Variants in ECI2 observed in about 807,000 individuals in gnomAD.
The protein encoded by ECI2 is D3,D2-enoyl-CoA isomerase.
In ECI2, 27 loss-of-function variants were observed where a neutral mutation model predicts 38.4. The observed-to-expected ratio is 0.70, with a 90% CI of 0.52 to 0.97. The LOEUF is 0.97. Among genes scored for constraint, ECI2 ranks in the 50% least tolerant of loss-of-function variants. The pLI is 0.00. For synonymous variants in ECI2, 168 were observed against 172.0 expected (o/e 0.98, Z 0.18); for missense variants, 470 against 474.4 (o/e 0.99, Z 0.09).
Position 4,115,984 on chromosome 6 carries a change from T to C in ECI2, c.1075A>G (p.Lys359Glu), listed in dbSNP as rs767089507. The change falls in exon 10 of 10, where the codon AAA (lysine) becomes GAA (glutamate). Residue 359 changes from lysine (K) to glutamate (E), a missense_variant. Coordinates refer to ENST00000380118, the MANE Select transcript of ECI2 (RefSeq NM_206836.3). ...KEVIRKRERE[K>E]LHAVNAEECN... is the part of the protein sequence containing the mutation. Reference sequence around the variant, plus strand: ...TCTTCAGCATTAACAGCGTGTAGTTTTTCTCTCTCTCTTTTCCTGATTACC... The same window carrying C: ...TCTTCAGCATTAACAGCGTGTAGTTCTTCTCTCTCTCTTTTCCTGATTACC... The C allele has an allele frequency of 9.3e-6, 15 of 1,613,918 alleles. No individual in the cohort carries two copies. The highest frequency in any genetic ancestry group is 8.0e-5 in the African/African-American group (6 of 74,922).
intron 7 of ECI2, among the ~76,000 whole-genome samples, chr6:4,121,719 A>T (rs1772780857): frequency 6.6e-6 from 1 of 150,384 alleles, no homozygotes; most frequent in African/African-American, 2.4e-5. Flanking sequence ...CATTTAAGAC[A>T]TATTTTTGTG....
intron 7 of ECI2, 124 bp from the exon 8 acceptor site, chr6:4,119,399 C>T: frequency 1.6e-6 from 1 of 619,020 alleles, no homozygotes; most frequent in Non-Finnish European, 2.7e-6. Flanking sequence ...CGGCTCACTG[C>T]AACCTCCACC....
At chr6:4,125,056 C>T in intron 7 of ECI2, 194 bp downstream of exon 7, 2 of 909,608 alleles carry the variant, frequency 2.2e-6, no homozygotes, top group Non-Finnish European at 3.4e-6. Flanking sequence ...ATGTTCACAA[C>T]AAAATGCAAG....
chr6:4,127,764 G>A lies in ECI2; in HGVS notation c.569C>T (p.Thr190Ile), dbSNP rs145837796. Residue 190 changes from threonine to isoleucine, a missense_variant and splice_region_variant, in exon 5 of 10, where the codon ACA (threonine) becomes ATA (isoleucine). Transcript: ENST00000380118. ...SKDDSIITVLTGNGDYYSSGN... is the reference protein window; with the variant it reads ...SKDDSIITVLIGNGDYYSSGN... Reference sequence around the variant, plus strand: ...GGATGCCTGAGAAAATGTCTTACCTGTTAAAACAGTGATGATTGAGTCATC... The same window carrying A: ...GGATGCCTGAGAAAATGTCTTACCTATTAAAACAGTGATGATTGAGTCATC... The A allele has an allele frequency of 1.2e-6, 2 of 1,612,714 alleles. No individual in the cohort carries two copies. The highest frequency in any genetic ancestry group is 1.1e-5 in the South Asian group (1 of 90,810).
At chr6:4,125,157 A>G in intron 7 of ECI2, 93 bp downstream of exon 7, 1 of 1,552,032 alleles carries the variant, frequency 6.4e-7, no homozygotes, top group Non-Finnish European at 8.8e-7. Flanking sequence ...AACAACATGT[A>G]ACCTGCTTAT....
At chr6:4,125,991 C>A (rs766905157) in intron 6 of ECI2, 144 bp downstream of exon 6, 1 of 707,220 alleles carries the variant, frequency 1.4e-6, no homozygotes, top group South Asian at 1.6e-5. Context: ...TGGATGGAGG[C>A]AGTTTAGAGA....
chr6:4,116,224 G>A (rs907947464), intron 9 of ECI2, among the ~76,000 whole-genome samples, 195 bp from the exon 10 acceptor site: 2 of 151,864 alleles, frequency 1.3e-5, no homozygotes, highest in African/African-American at 4.8e-5. Context: ...GGTGGTACAT[G>A]CCTGTGATCC....
At position 4,130,353 on chromosome 6, in the gene ECI2, C is replaced by T. The variant is rs765256780; in HGVS notation, c.501+19G>A. Reference sequence around the variant, plus strand: ...GAAGAAAGTAAAACAGGACAAACTCCGTGGGCAGGTAACATTACCTCAGTG... The same window carrying T: ...GAAGAAAGTAAAACAGGACAAACTCTGTGGGCAGGTAACATTACCTCAGTG... On this transcript the variant is annotated intron_variant, in intron 4 of 9. Transcript: ENST00000380118. 2.2e-5 allele frequency: 35 copies of T among 1,613,982 alleles called. No individual in the cohort carries two copies. The highest frequency in any genetic ancestry group is 1.6e-4 in the Middle Eastern group (1 of 6,084).
intron 5 of ECI2, 26 bp from the exon 6 acceptor site, chr6:4,126,263 C>A: frequency 6.3e-7 from 1 of 1,575,156 alleles, no homozygotes. Flanking sequence ...TCAACAGATC[C>A]CTCATTCAAT....
In ECI2 at chr6:4,121,859, C is replaced by A. The variant is rs1031095708; in HGVS notation, c.796-2584G>T. The A allele has an allele frequency of 2.6e-5, 15 of 572,886 alleles. No homozygotes were observed. In the African/African-American group the frequency reaches 2.7e-4, roughly 10 times the overall value. 35.5% of individuals were successfully genotyped at this position (572,886 alleles called of 1,614,324 possible). ...TATATAACTGTTAGAAGATATAAAT[C>A]TATAACATATGCAGCATATACATAA... is the stretch of plus-strand genomic sequence containing the variant. On this transcript the variant is annotated intron_variant, in intron 7 of 9. Transcript: ENST00000380118.
chr6:4,115,913 A>G lies in ECI2; in HGVS notation c.1146T>C (p.Asn382=). The G allele has an allele frequency of 6.2e-7, 1 of 1,614,154 alleles. No homozygotes were observed. The highest frequency in any genetic ancestry group is 2.2e-5 in the East Asian group (1 of 44,888). The part of the protein sequence containing the change: ...QGRWLSDECT[N]AVVNFLSRKS... ...TTCTGGATAAGAAGTTCACCACAGC[A>G]TTTGTGCATTCATCTGATAGCCATC... Residue 382 remains asparagine, a synonymous_variant, in exon 10 of 10, where the codon AAT becomes AAC. Transcript: ENST00000380118.
intron 1 of ECI2, 159 bp downstream of exon 1, chr6:4,135,352 G>C: frequency 6.7e-7 from 1 of 1,487,436 alleles, no homozygotes. Flanking sequence ...GCGTGAGGTC[G>C]TCACTTTTTA....
At chr6:4,121,973 C>T in intron 7 of ECI2, 1 of 1,594,264 alleles carries the variant, frequency 6.3e-7, no homozygotes, top group Admixed American at 1.7e-5. Flanking sequence ...AAAATGTACC[C>T]AGAAGACACA....
chr6:4,135,472 G>T, intron 1 of ECI2, 39 bp downstream of exon 1: 1 of 1,611,832 alleles, frequency 6.2e-7, no homozygotes. Flanking sequence ...GGTATCCTGC[G>T]GGCGACCATG....
chr6:4,128,278 C>T (rs1773307946), intron 4 of ECI2, among the ~76,000 whole-genome samples: 1 of 151,786 alleles, frequency 6.6e-6, no homozygotes, highest in Non-Finnish European at 1.5e-5. Flanking sequence ...TACAAAGCAA[C>T]GTCTCTGTTG....
At chr6:4,129,350 G>C (rs1773385373) in intron 4 of ECI2, among the ~76,000 whole-genome samples, 2 of 152,168 alleles carry the variant, frequency 1.3e-5, no homozygotes, top group Non-Finnish European at 2.9e-5. Flanking sequence ...CTGACCTCAA[G>C]TGATCTGCCC....
chr6:4,128,705 G>A (rs1773332634), intron 4 of ECI2, among the ~76,000 whole-genome samples: 1 of 152,090 alleles, frequency 6.6e-6, no homozygotes, highest in Admixed American at 6.5e-5. Context: ...AAACAATACA[G>A]TATAACAACA....
At chr6:4,127,535 C>T (rs1400145729) in intron 5 of ECI2, among the ~76,000 whole-genome samples, 2 of 151,468 alleles carry the variant, frequency 1.3e-5, no homozygotes, top group East Asian at 3.9e-4. Context: ...CTGCCTCAGC[C>T]TCCTGAGTAG....
intron 1 of ECI2, among the ~76,000 whole-genome samples, chr6:4,134,296 G>A (rs568927423): frequency 1.1e-4 from 16 of 152,308 alleles, no homozygotes; most frequent in African/African-American, 3.8e-4. Context: ...CTTCTCAGCA[G>A]ATGGGAGGGA....
Sources: gnomAD v4.1 joint callset for allele counts (sites outside exome capture counted in the v4.1 genomes callset) on GRCh38, gnomAD v4.1.1 for gene constraint, MANE v1.5 for transcripts, NCBI Gene and HGNC (gene_info 2026-07-23, HGNC 2026-07-21) for gene names.